OIT3: variants seen among roughly 807,000 people sequenced by gnomAD.
OIT3 encodes the protein oncoprotein-induced transcript 3 protein.
OIT3 carries 41 observed loss-of-function variants against 52.2 expected under a neutral mutation model. The ratio of observed to expected loss-of-function variants is 0.79; its 90% CI spans 0.61 to 1.02. The LOEUF (loss-of-function observed/expected upper bound fraction) is 1.02. Among genes scored for constraint, OIT3 ranks in the 50% least tolerant of loss-of-function variants. The pLI, the probability that OIT3 is intolerant of heterozygous loss-of-function variation, is 0.00. For synonymous variants in OIT3, 244 were observed against 276.9 expected (o/e 0.88, Z 1.18); for missense variants, 634 against 715.5 (o/e 0.89, Z 1.30).
At chr10:72,916,135 A>G (rs960157215) in intron 6 of OIT3, among the ~76,000 whole-genome samples, 7 of 152,178 alleles carry the variant, frequency 4.6e-5, no homozygotes, top group African/African-American at 1.4e-4. Flanking sequence ...TTACTCTCGT[A>G]TACCATACTG....
At chr10:72,901,088 T>G (rs1362400438) in intron 3 of OIT3, among the ~76,000 whole-genome samples, 1 of 152,058 alleles carries the variant, frequency 6.6e-6, no homozygotes, top group African/African-American at 2.4e-5. Flanking sequence ...AATAATATCT[T>G]TAATATTGGT....
At chr10:72,916,320 C>T (rs533964160) in intron 6 of OIT3, among the ~76,000 whole-genome samples, 7 of 152,254 alleles carry the variant, frequency 4.6e-5, no homozygotes, top group South Asian at 2.1e-4. Context: ...TTCTCTCCCC[C>T]CTCCTACCTT....
chr10:72,913,091 C>T (rs1371551719), intron 5 of OIT3, among the ~76,000 whole-genome samples: 2 of 152,324 alleles, frequency 1.3e-5, no homozygotes, highest in Middle Eastern at 3.4e-3. Context: ...CCTGGTATTT[C>T]CTAATTCAGG....
chr10:72,928,418 G>C (rs1437677257), intron 7 of OIT3, among the ~76,000 whole-genome samples: 1 of 152,160 alleles, frequency 6.6e-6, no homozygotes, highest in Non-Finnish European at 1.5e-5. Context: ...GCCAACATTT[G>C]TCCTGGTTTC....
At chr10:72,917,985 T>A in intron 6 of OIT3, 1 of 809,976 alleles carries the variant, frequency 1.2e-6, no homozygotes, top group South Asian at 1.4e-5. Flanking sequence ...ATCTTCATCA[T>A]TATCATCATT....
intron 4 of OIT3, among the ~76,000 whole-genome samples, chr10:72,908,672 A>G (rs930976699): frequency 2.6e-5 from 4 of 152,154 alleles, no homozygotes; most frequent in Non-Finnish European, 2.9e-5. Flanking sequence ...TATTAATAAA[A>G]TGTTCCATAA....
intron 3 of OIT3, among the ~76,000 whole-genome samples, chr10:72,902,413 C>T (rs966785676): frequency 1.3e-5 from 2 of 152,168 alleles, no homozygotes; most frequent in African/African-American, 4.8e-5. Context: ...CTCAGTCACC[C>T]TCTTGCCCCA....
At chr10:72,918,080 T>A in intron 6 of OIT3, 1 of 1,210,714 alleles carries the variant, frequency 8.3e-7, no homozygotes, top group Middle Eastern at 2.1e-4. Context: ...CTTTTTTCTG[T>A]GGAACCTTGC....
In OIT3 at chr10:72,897,971, T is replaced by G. The variant is rs1845891137; in HGVS notation, c.62-693T>G. Reference sequence around the variant, plus strand: ...TCTGTTCAACTTTCTCTGAACAAATTTGTCAATTACTTTCATAAAATACAG... The same window carrying G: ...TCTGTTCAACTTTCTCTGAACAAATGTGTCAATTACTTTCATAAAATACAG... On this transcript the variant is annotated intron_variant, in intron 1 of 8. Transcript: ENST00000334011. 2.0e-5 allele frequency among the ~76,000 whole-genome samples: 3 copies of G among 152,110 alleles called. No individual in the cohort carries two copies. The East Asian group carries it at 5.8e-4, about 29-fold the overall frequency.
chr10:72,924,920 G>A (rs922180058), intron 7 of OIT3, among the ~76,000 whole-genome samples: 1 of 152,102 alleles, frequency 6.6e-6, no homozygotes, highest in Non-Finnish European at 1.5e-5. Flanking sequence ...AGACCAGCCT[G>A]GCCAACATGG....
chr10:72,904,139 C>T (rs1441390368), intron 3 of OIT3, among the ~76,000 whole-genome samples: 5 of 152,112 alleles, frequency 3.3e-5, no homozygotes, highest in Admixed American at 1.3e-4. Flanking sequence ...TTCTGATTAC[C>T]GGTGCCTGCA....
At chr10:72,920,043 G>A (rs1846108162) in intron 6 of OIT3, among the ~76,000 whole-genome samples, 1 of 152,092 alleles carries the variant, frequency 6.6e-6, no homozygotes, top group African/African-American at 2.4e-5. Flanking sequence ...TCTTTGTACA[G>A]GGGGTAGAAT....
chr10:72,913,710 C>G (rs888084616), intron 6 of OIT3: 1 of 614,780 alleles, frequency 1.6e-6, no homozygotes, highest in African/African-American at 1.8e-5. Flanking sequence ...CCAGCATGCA[C>G]AGACATTTTC....
At chr10:72,929,611 T>C (rs1356101582) in intron 7 of OIT3, among the ~76,000 whole-genome samples, 1 of 151,862 alleles carries the variant, frequency 6.6e-6, no homozygotes, top group Non-Finnish European at 1.5e-5. Context: ...CTTGCTATGT[T>C]GCCCAGGCTA....
chr10:72,930,679 CTTT>C (rs368917423), intron 8 of OIT3, 42 bp downstream of exon 8: 22,388 of 738,144 alleles, frequency 0.03, no homozygotes, highest in East Asian at 0.043. Flanking sequence ...GAACCTGAGC[CTTT>C]TTTTTTTTTT....
Position 72,913,347 on chromosome 10 carries a change from T to C in OIT3, c.830T>C (p.Ile277Thr), listed in dbSNP as rs1846046515. 3 of 1,613,174 alleles carry C rather than the reference T, an allele frequency of 1.9e-6. No homozygotes were observed. Among genetic ancestry groups the C allele is most frequent in the Middle Eastern group, 1.6e-4 (1 of 6,078 alleles). ...LCKSNAIEVN[I>T]PRELVGGLEL... ...AAATCAAATGCCATTGAAGTGAACA[T>C]CCCCAGGGAGCTGGTTGGTGGCCTG... Residue 277 changes from isoleucine (I) to threonine (T), a missense_variant, in exon 6 of 9, where the codon ATC (isoleucine) becomes ACC (threonine). Coordinates refer to ENST00000334011, the MANE Select transcript of OIT3 (RefSeq NM_152635.3).
At chr10:72,898,553 C>A in intron 1 of OIT3, 111 bp from the exon 2 acceptor site, 2 of 1,025,140 alleles carry the variant, frequency 2.0e-6, no homozygotes, top group Non-Finnish European at 1.4e-6. Context: ...TAACTAATTT[C>A]TCTCTGGAAT....
At chr10:72,899,103 A>G in intron 2 of OIT3, 65 bp downstream of exon 2, 1 of 1,462,870 alleles carries the variant, frequency 6.8e-7, no homozygotes. Context: ...CAAAAGTGCC[A>G]ATTATAGGAT....
rs1846047005 is a variant in OIT3, at chr10:72,913,380, TC to T, written c.865del (p.Leu289Ter). ...GAGCTGGTTGGTGGCCTGGAGCTCT[TC>T]CTGACCAACACCTCCTGCCGAGGAG... ...PRELVGGLEL[F>X]LTNTSCRGVS... On this transcript the variant is annotated frameshift_variant, in exon 6 of 9. Coordinates refer to ENST00000334011, the MANE Select transcript of OIT3 (RefSeq NM_152635.3). LOFTEE classifies it high-confidence loss of function. 1 of 1,613,736 alleles carries T rather than the reference TC, an allele frequency of 6.2e-7. No individual in the cohort carries two copies. Among genetic ancestry groups the T allele is most frequent in the African/African-American group, 1.3e-5 (1 of 74,916 alleles).
Sources: allele counts gnomAD v4.1 joint callset (sites outside exome capture counted in the v4.1 genomes callset), GRCh38; gene constraint gnomAD v4.1.1; transcripts MANE v1.5; gene names NCBI Gene and HGNC (gene_info 2026-07-23, HGNC 2026-07-21).